FAM174A: variants seen among roughly 807,000 people sequenced by gnomAD.
FAM174A encodes family with sequence similarity 174 member A, also known as membrane protein FAM174A.
FAM174A carries 14 observed loss-of-function variants against 14.3 expected under a neutral mutation model. The observed-to-expected ratio is 0.98, with a 90% confidence interval of 0.65 to 1.53. The LOEUF is 1.53. FAM174A is among the 40% of genes most tolerant of loss of function. The pLI is 0.00. For synonymous variants in FAM174A, 108 were observed against 111.4 expected (o/e 0.97, Z 0.19); for missense variants, 241 against 249.6 (o/e 0.97, Z 0.23).
At chr5:100,573,698 C>G (rs1248874174) in intron 2 of FAM174A, among the ~76,000 whole-genome samples, 1 of 149,888 alleles carries the variant, frequency 6.7e-6, no homozygotes, top group African/African-American at 2.5e-5. Flanking sequence ...CTATCAATGA[C>G]TTTCTTCACA....
chr5:100,564,781 T>C (rs773599821), intron 2 of FAM174A, among the ~76,000 whole-genome samples: 11 of 151,712 alleles, frequency 7.3e-5, no homozygotes, highest in Middle Eastern at 3.4e-3. Flanking sequence ...CCTAGAAAAA[T>C]AGATAAATTC....
intron 2 of FAM174A, among the ~76,000 whole-genome samples, chr5:100,573,237 G>A (rs1177706612): frequency 6.6e-6 from 1 of 151,694 alleles, no homozygotes; most frequent in Non-Finnish European, 1.5e-5. Flanking sequence ...CTTTTGCTGT[G>A]CAGAAGCTCT....
At chr5:100,540,563 C>A (rs1001692101) in intron 1 of FAM174A, among the ~76,000 whole-genome samples, 6 of 152,094 alleles carry the variant, frequency 3.9e-5, no homozygotes, top group Non-Finnish European at 8.8e-5. Flanking sequence ...AGTACTAGTT[C>A]GCAAGTAATG....
Position 100,535,414 on chromosome 5 carries a change from G to C in FAM174A, c.-117G>C, listed in dbSNP as rs2112358180. On this transcript the variant is annotated 5_prime_UTR_variant, in exon 1 of 3. Transcript: ENST00000312637. ...AGCTTCTGCCACCTGCCACGACCGG[G>C]CCTCTCCCTGGCGTTTGGTCACCTC... is the stretch of plus-strand genomic sequence containing the variant. 4 of 1,106,666 alleles carry C rather than the reference G, an allele frequency of 3.6e-6. No individual in the cohort carries two copies. The highest frequency in any genetic ancestry group is 5.2e-6 in the Non-Finnish European group (4 of 763,226). 68.6% of individuals were successfully genotyped at this position (1,106,666 alleles called of 1,614,324 possible).
At chr5:100,549,049 T>C (rs548650168) in intron 1 of FAM174A, among the ~76,000 whole-genome samples, 1 of 152,256 alleles carries the variant, frequency 6.6e-6, no homozygotes, top group South Asian at 2.1e-4. Flanking sequence ...TATCTATGTA[T>C]ATACCTCTGT....
At chr5:100,539,621 C>T (rs1028383047) in intron 1 of FAM174A, among the ~76,000 whole-genome samples, 12 of 152,102 alleles carry the variant, frequency 7.9e-5, no homozygotes, top group African/African-American at 2.7e-4. Context: ...TAGGTAATAT[C>T]ATTCTTACTG....
intron 1 of FAM174A, among the ~76,000 whole-genome samples, chr5:100,553,992 A>G (rs989782408): frequency 6.6e-6 from 1 of 152,190 alleles, no homozygotes; most frequent in African/African-American, 2.4e-5. Flanking sequence ...ACTAACAATG[A>G]CAGGTTAACA....
intron 1 of FAM174A, among the ~76,000 whole-genome samples, chr5:100,552,894 T>C (rs1337434411): frequency 6.6e-6 from 1 of 152,130 alleles, no homozygotes; most frequent in Non-Finnish European, 1.5e-5. Context: ...TCTATATGAA[T>C]AACCATATAG....
chr5:100,572,370 T>C (rs1453340338), intron 2 of FAM174A, among the ~76,000 whole-genome samples: 1 of 151,472 alleles, frequency 6.6e-6, no homozygotes, highest in Non-Finnish European at 1.5e-5. Flanking sequence ...CATCTAGCAT[T>C]AGGTATATCT....
chr5:100,570,877 T>G (rs1746764434), intron 2 of FAM174A, among the ~76,000 whole-genome samples: 1 of 151,998 alleles, frequency 6.6e-6, no homozygotes, highest in Non-Finnish European at 1.5e-5. Context: ...ATTTCTAGAT[T>G]GCTAAGAGTT....
chr5:100,564,277 CTT>C (rs1159541487), intron 2 of FAM174A, among the ~76,000 whole-genome samples: 2 of 151,556 alleles, frequency 1.3e-5, no homozygotes, highest in African/African-American at 4.8e-5. Flanking sequence ...ACAACACACT[CTT>C]GAGCAATTAT....
Position 100,563,069 on chromosome 5 carries a change from T to C in FAM174A, c.569+881T>C, listed in dbSNP as rs1746560768. Among the ~76,000 whole-genome samples, 3 of 151,908 alleles carry C rather than the reference T, an allele frequency of 2.0e-5. No homozygotes were observed. In the South Asian group the frequency reaches 6.2e-4, roughly 31 times the overall value. ...ACTAAGTCCTGTATATCTATATTTA[T>C]ATCTATATATGTCTATCCATCTATC... On this transcript the variant is annotated intron_variant, in intron 2 of 2. Transcript: ENST00000312637.
rs187269685 is a variant in FAM174A at position 100,539,966 on chromosome 5, A to T, written c.434+4002A>T. ...CCAAGGTGAAATAATTTTGTTTCCT[A>T]CCTCAACTCCCTGCATTCCTTCCCT... On this transcript the variant is annotated intron_variant, in intron 1 of 2. Transcript: ENST00000312637. 1.9e-4 allele frequency among the ~76,000 whole-genome samples: 29 copies of T among 152,264 alleles called. No homozygotes were observed. In the East Asian group the frequency reaches 5.6e-3, roughly 29 times the overall value.
intron 1 of FAM174A, among the ~76,000 whole-genome samples, chr5:100,545,437 G>C (rs965102776): frequency 6.6e-6 from 1 of 151,892 alleles, no homozygotes; most frequent in African/African-American, 2.4e-5. Context: ...GAAGAAAGTG[G>C]TATAGAGTTG....
intron 1 of FAM174A, among the ~76,000 whole-genome samples, chr5:100,540,647 A>G (rs1396905144): frequency 6.6e-6 from 1 of 151,770 alleles, no homozygotes; most frequent in African/African-American, 2.4e-5. Flanking sequence ...TTAAAGTGTC[A>G]AGTTAGTTTG....
At chr5:100,553,730 A>G (rs1293424584) in intron 1 of FAM174A, among the ~76,000 whole-genome samples, 1 of 152,154 alleles carries the variant, frequency 6.6e-6, no homozygotes. Context: ...GTATTTACAT[A>G]CACATGTAAA....
chr5:100,549,851 A>G (rs1368633899), intron 1 of FAM174A, among the ~76,000 whole-genome samples: 6 of 152,170 alleles, frequency 3.9e-5, no homozygotes, highest in Non-Finnish European at 5.9e-5. Flanking sequence ...TATACATTTT[A>G]ATAGCTCCTG....
chr5:100,546,374 T>A (rs1487271611), intron 1 of FAM174A, among the ~76,000 whole-genome samples: 1 of 152,090 alleles, frequency 6.6e-6, no homozygotes, highest in Non-Finnish European at 1.5e-5. Flanking sequence ...AGTGAGTAGG[T>A]ACTATGTGTG....
intron 2 of FAM174A, among the ~76,000 whole-genome samples, chr5:100,565,245 A>G (rs1290303151): frequency 1.3e-5 from 2 of 151,892 alleles, no homozygotes; most frequent in South Asian, 2.1e-4. Flanking sequence ...AATAGGTTGA[A>G]AGAAAAAAAG....
Sources: gnomAD v4.1 joint callset for allele counts (sites outside exome capture counted in the v4.1 genomes callset) on GRCh38, gnomAD v4.1.1 for gene constraint, MANE v1.5 for transcripts, NCBI Gene and HGNC (gene_info 2026-07-23, HGNC 2026-07-21) for gene names.